The following CHST11 variants were observed in gnomAD, a reference collection of about 807,000 sequenced individuals.
The protein encoded by CHST11 is carbohydrate sulfotransferase 11, also known as C4S-1.
Under a neutral mutation model 30.4 loss-of-function variants are expected in CHST11, and 9 were observed. That is an observed-to-expected ratio of 0.30 (90% confidence interval 0.18 to 0.52). The LOEUF (loss-of-function observed/expected upper bound fraction) is 0.52, where lower values mean the gene tolerates loss of function less well. Ranked by LOEUF, CHST11 falls within the 20% of genes least tolerant of loss-of-function variation. The pLI is 0.97. For synonymous variants in CHST11, 152 were observed against 187.8 expected, an observed-to-expected ratio of 0.81 and a Z score of 1.56; for missense variants, 348 against 460.6, an observed-to-expected ratio of 0.76 and a Z score of 2.24.
rs76435949 is a variant in CHST11, at chr12:104,704,807, C to G, written c.205-52142C>G. Among the ~76,000 whole-genome samples the G allele has an allele frequency of 5.2e-3, 788 of 152,060 alleles. 5 individuals are homozygous for G. Among genetic ancestry groups the G allele is most frequent in the African/African-American group, 0.018 (731 of 41,464 alleles). On this transcript the variant is annotated intron_variant, in intron 2 of 2. Transcript: ENST00000303694. ...TCATTTGTTCTTGGTGGCTTGGCCC[C>G]GAGGTATGGAGGAAAGCGGAAGGTT... is the stretch of plus-strand genomic sequence containing the variant.
chr12:104,741,299 G>A (rs1056578985), intron 2 of CHST11, among the ~76,000 whole-genome samples: 2 of 152,322 alleles, frequency 1.3e-5, no homozygotes, highest in Non-Finnish European at 2.9e-5. Flanking sequence ...GGGGTAGGAG[G>A]AGGGCTTTGG....
At chr12:104,670,501 A>ACT (rs75088833) in intron 2 of CHST11, among the ~76,000 whole-genome samples, 7,340 of 150,950 alleles carry the variant, frequency 0.049, 309 homozygotes, top group East Asian at 0.21. Flanking sequence ...ACTCATACAC[A>ACT]CTCACACAAA....
At chr12:104,504,353 A>G (rs1319857682) in intron 1 of CHST11, among the ~76,000 whole-genome samples, 5 of 152,252 alleles carry the variant, frequency 3.3e-5, no homozygotes, top group Non-Finnish European at 7.3e-5. Context: ...ACTCAGGCGC[A>G]GTGGCATGTG....
chr12:104,585,082 G>A (rs1229377294), intron 1 of CHST11, among the ~76,000 whole-genome samples: 6 of 152,208 alleles, frequency 3.9e-5, no homozygotes, highest in African/African-American at 1.4e-4. Flanking sequence ...AAATGAAATA[G>A]GGGTTTTGGT....
At chr12:104,716,687 C>T (rs966696444) in intron 2 of CHST11, among the ~76,000 whole-genome samples, 2 of 152,204 alleles carry the variant, frequency 1.3e-5, no homozygotes, top group Admixed American at 6.5e-5. Flanking sequence ...TCGCTCCCAA[C>T]GTGCCTGGGG....
chr12:104,614,709 G>GTGTA (rs1437933754), intron 2 of CHST11, among the ~76,000 whole-genome samples: 1 of 151,806 alleles, frequency 6.6e-6, no homozygotes, highest in Non-Finnish European at 1.5e-5. Flanking sequence ...GTGTGTGTGT[G>GTGTA]TGTGTGTAGA....
chr12:104,681,955 C>T (rs536419953), intron 2 of CHST11, among the ~76,000 whole-genome samples: 19 of 151,286 alleles, frequency 1.3e-4, no homozygotes, highest in African/African-American at 4.4e-4. Context: ...CTCAGCCTCC[C>T]GAGTAGATGG....
At chr12:104,598,873 G>A (rs996648765) in intron 1 of CHST11, among the ~76,000 whole-genome samples, 1 of 149,904 alleles carries the variant, frequency 6.7e-6, no homozygotes, top group Non-Finnish European at 1.5e-5. Flanking sequence ...TATCCTCGTG[G>A]CCAGCTGGCC....
At chr12:104,742,986 A>G (rs1187328953) in intron 2 of CHST11, among the ~76,000 whole-genome samples, 1 of 152,234 alleles carries the variant, frequency 6.6e-6, no homozygotes, top group Admixed American at 6.5e-5. Flanking sequence ...CTCCACCAGA[A>G]GATGAGGTGG....
chr12:104,506,319 G>A (rs911418092), intron 1 of CHST11, among the ~76,000 whole-genome samples: 13 of 152,272 alleles, frequency 8.5e-5, no homozygotes, highest in Middle Eastern at 3.4e-3. Context: ...CGTATTAGCC[G>A]TGTGACCTGG....
At chr12:104,558,596 T>C (rs1248048226) in intron 1 of CHST11, among the ~76,000 whole-genome samples, 1 of 123,436 alleles carries the variant, frequency 8.1e-6, no homozygotes, top group Non-Finnish European at 1.6e-5. Context: ...TGCAGTGCAG[T>C]GGCGCGATCT....
chr12:104,588,013 A>T (rs2136037200), intron 1 of CHST11, among the ~76,000 whole-genome samples: 1 of 152,060 alleles, frequency 6.6e-6, no homozygotes, highest in East Asian at 1.9e-4. Flanking sequence ...AGATCTATTC[A>T]AAGAGGCCAA....
intron 1 of CHST11, among the ~76,000 whole-genome samples, chr12:104,562,745 C>T (rs1236721852): frequency 6.6e-6 from 1 of 152,194 alleles, no homozygotes; most frequent in African/African-American, 2.4e-5. Flanking sequence ...GCCCAGGGTC[C>T]GGTAGCTACG....
chr12:104,722,683 G>A (rs1055270093), intron 2 of CHST11, among the ~76,000 whole-genome samples: 2 of 152,010 alleles, frequency 1.3e-5, no homozygotes, highest in African/African-American at 4.8e-5. Context: ...TTGCTGTCTG[G>A]AGTCGTTGCT....
chr12:104,565,943 C>T (rs1258590917), intron 1 of CHST11, among the ~76,000 whole-genome samples: 1 of 152,178 alleles, frequency 6.6e-6, no homozygotes, highest in African/African-American at 2.4e-5. Context: ...GTGTGCTTAC[C>T]ACGTTTCTTG....
In CHST11 at chr12:104,702,348, T is replaced by C. The variant is rs118075353; in HGVS notation, c.205-54601T>C. Among the ~76,000 whole-genome samples, 1,513 of 152,358 alleles carry C rather than the reference T, an allele frequency of 9.9e-3. 24 individuals carry two copies. Among genetic ancestry groups the C allele is most frequent in the South Asian group, 0.056 (269 of 4,830 alleles). ...ACTTCTCTCAACAATTCTGTGAGAC[T>C]GCACAGCAGCTCTAATTTGTAGATA... On this transcript the variant is annotated intron_variant, in intron 2 of 2. Transcript: ENST00000303694.
intron 2 of CHST11, among the ~76,000 whole-genome samples, chr12:104,671,953 T>A (rs2039701835): frequency 6.6e-6 from 1 of 152,144 alleles, no homozygotes. Flanking sequence ...GGGGCAAAAC[T>A]GGCACTTGGC....
chr12:104,757,891 A>C lies in CHST11; in HGVS notation c.*88A>C. On this transcript the variant is annotated 3_prime_UTR_variant, in exon 3 of 3. Coordinates refer to ENST00000303694, the MANE Select transcript of CHST11 (RefSeq NM_018413.6). The surrounding 1 kb of genome is among the most constrained non-coding windows in gnomAD (Gnocchi z 6.5). ...TTATATGGATATTGGGTTATTTTGTAAATTAATATTTCTTTGGGGATGATG... is the reference window on the plus strand; with the variant it reads ...TTATATGGATATTGGGTTATTTTGTCAATTAATATTTCTTTGGGGATGATG... 1 of 1,321,806 alleles carries C rather than the reference A, an allele frequency of 7.6e-7. No homozygotes were observed. The highest frequency in any genetic ancestry group is 2.4e-5 in the East Asian group (1 of 41,802). The allele number at this position is 1,321,806 out of a possible 1,614,324, so 81.9% of individuals were successfully genotyped here. A position where few individuals can be genotyped will look rare whatever the true frequency, so the allele number is the denominator to read the frequency against.
At chr12:104,684,620 T>C (rs904313461) in intron 2 of CHST11, among the ~76,000 whole-genome samples, 1 of 152,246 alleles carries the variant, frequency 6.6e-6, no homozygotes, top group South Asian at 2.1e-4. Flanking sequence ...CGATCTCAGC[T>C]GACTGCAACC....
Sources: allele counts gnomAD v4.1 joint callset (sites outside exome capture counted in the v4.1 genomes callset), GRCh38; gene constraint gnomAD v4.1.1; non-coding constraint Gnocchi (gnomAD v3.1); transcripts MANE v1.5; gene names NCBI Gene and HGNC (gene_info 2026-07-23, HGNC 2026-07-21).